Variants in SLC6A2 observed in about 807,000 individuals in gnomAD.
SLC6A2 encodes sodium-dependent noradrenaline transporter.
SLC6A2 carries 26 observed loss-of-function variants against 71.7 expected under a neutral mutation model. The ratio of observed to expected loss-of-function variants is 0.36; its 90% CI spans 0.27 to 0.50. The LOEUF is 0.50. SLC6A2 is among the 20% of genes least tolerant of loss of function. SLC6A2 has a pLI of 0.96. For synonymous variants in SLC6A2, 363 were observed against 337.9 expected (o/e 1.07, Z -0.82); for missense variants, 581 against 803.9 (o/e 0.72, Z 3.35).
At chr16:55,699,486 C>A in intron 11 of SLC6A2, 68 bp from the exon 12 acceptor site, 2 of 1,289,538 alleles carry the variant, frequency 1.6e-6, no homozygotes, top group Non-Finnish European at 2.3e-6. Flanking sequence ...GGGCCAGAAC[C>A]TCATGGGAGG....
chr16:55,674,175 C>T (rs1255144713), intron 4 of SLC6A2, among the ~76,000 whole-genome samples: 1 of 151,420 alleles, frequency 6.6e-6, no homozygotes, highest in African/African-American at 2.4e-5. Flanking sequence ...CGACTCTTGT[C>T]CCCCTCCCTC....
intron 2 of SLC6A2, among the ~76,000 whole-genome samples, chr16:55,664,704 G>C (rs1964700432): frequency 6.6e-6 from 1 of 152,160 alleles, no homozygotes; most frequent in African/African-American, 2.4e-5. Flanking sequence ...TTTACAAAGG[G>C]GGAGCTAAGG....
intron 2 of SLC6A2, among the ~76,000 whole-genome samples, chr16:55,663,615 G>A (rs1318864684): frequency 6.6e-6 from 1 of 152,160 alleles, no homozygotes; most frequent in Admixed American, 6.5e-5. Flanking sequence ...TCTTACCATA[G>A]CTCTGTGTAC....
At chr16:55,699,455 C>T (rs1965902032) in intron 11 of SLC6A2, 99 bp from the exon 12 acceptor site, 5 of 897,022 alleles carry the variant, frequency 5.6e-6, no homozygotes, top group Admixed American at 3.5e-5. Context: ...CATCTTGCCT[C>T]ACTGCCCTGC....
chr16:55,700,343 G>A (rs745319767), intron 13 of SLC6A2, 37 bp downstream of exon 13: 5 of 1,562,416 alleles, frequency 3.2e-6, no homozygotes, highest in Middle Eastern at 1.7e-4. Flanking sequence ...CAGGGTGGGA[G>A]GGGGCTGAGG....
chr16:55,669,513 A>C (rs1764328602), intron 2 of SLC6A2, 52 bp from the exon 3 acceptor site: 1 of 1,610,268 alleles, frequency 6.2e-7, no homozygotes, highest in Non-Finnish European at 8.5e-7. Flanking sequence ...CGGATCCAAG[A>C]CTGGGAGGGG....
chr16:55,692,025 C>T lies in SLC6A2; in HGVS notation c.891C>T (p.Ile297=), dbSNP rs756777846. 4.3e-6 allele frequency: 7 copies of T among 1,614,060 alleles called. No individual in the cohort carries two copies. Among genetic ancestry groups the T allele is most frequent in the African/African-American group, 2.7e-5 (2 of 74,938 alleles). ...ASNGINAYLH[I]DFYRLKEATV... ...ATGGCATCAATGCCTACCTGCACAT[C>T]GACTTCTACCGCTTGAAAGAGGCCA... is the stretch of plus-strand genomic sequence containing the variant. Residue 297 remains isoleucine (I), a synonymous_variant, in exon 6 of 15, where the codon ATC becomes ATT. Coordinates refer to ENST00000568943, the MANE Select transcript of SLC6A2 (RefSeq NM_001172501.3).
intron 2 of SLC6A2, among the ~76,000 whole-genome samples, chr16:55,668,504 G>C (rs1285400425): frequency 6.6e-6 from 1 of 152,174 alleles, no homozygotes; most frequent in Non-Finnish European, 1.5e-5. Context: ...CTTAGCTAAA[G>C]GCCAGTGGTA....
chr16:55,683,364 C>T (rs1965340371), intron 4 of SLC6A2, among the ~76,000 whole-genome samples: 1 of 152,162 alleles, frequency 6.6e-6, no homozygotes, highest in South Asian at 2.1e-4. Flanking sequence ...GTAATCCCAG[C>T]ACTTTGGGAG....
In SLC6A2 at chr16:55,702,465, C is replaced by A. The variant is rs1361995000; in HGVS notation, c.*119C>A. ...CCCCTGGAAGTTGTCCTTTCTGATC[C>A]TCTCTTCTTTTCCCATTTACAAATG... On this transcript the variant is annotated 3_prime_UTR_variant, in exon 15 of 15. Coordinates refer to ENST00000568943, the MANE Select transcript of SLC6A2 (RefSeq NM_001172501.3). 2 of 1,588,382 alleles carry A rather than the reference C, an allele frequency of 1.3e-6. No homozygotes were observed. Among genetic ancestry groups the A allele is most frequent in the Non-Finnish European group, 1.7e-6 (2 of 1,166,616 alleles).
intron 2 of SLC6A2, among the ~76,000 whole-genome samples, chr16:55,658,138 A>G (rs1964509793): frequency 6.6e-6 from 1 of 152,154 alleles, no homozygotes; most frequent in South Asian, 2.1e-4. Context: ...TGACCTGTTC[A>G]CAGGCTCTAG....
chr16:55,686,966 C>T lies in SLC6A2; in HGVS notation c.783+1685C>T, dbSNP rs1596994454. 2.6e-5 allele frequency among the ~76,000 whole-genome samples: 4 copies of T among 152,188 alleles called. No homozygotes were observed. The East Asian group carries it at 7.7e-4, about 29-fold the overall frequency. On this transcript the variant is annotated intron_variant, in intron 5 of 14. Coordinates refer to ENST00000568943, the MANE Select transcript of SLC6A2 (RefSeq NM_001172501.3). ...TTTTGAATTTAGTTCAAAATATCAA[C>T]ATAGGAGACCTACTGTGTACCAGGC...
intron 9 of SLC6A2, 124 bp downstream of exon 9, chr16:55,696,461 G>A (rs1238316870): frequency 4.1e-6 from 3 of 728,480 alleles, no homozygotes; most frequent in African/African-American, 3.4e-5. Context: ...GTTTCCAGAA[G>A]GCCCTATTTA....
intron 5 of SLC6A2, 50 bp downstream of exon 5, chr16:55,685,331 G>A (rs765278392): frequency 1.3e-6 from 2 of 1,579,848 alleles, no homozygotes; most frequent in South Asian, 1.1e-5. Context: ...CAACCTTGGG[G>A]GGTGTGATTA....
intron 2 of SLC6A2, among the ~76,000 whole-genome samples, chr16:55,666,298 A>G (rs905491423): frequency 3.3e-5 from 5 of 152,174 alleles, no homozygotes; most frequent in African/African-American, 2.4e-5. Context: ...AGTACTTTTT[A>G]GGGGGTTTGC....
chr16:55,705,402 T>C lies in SLC6A2; in HGVS notation c.*3056T>C. ...GAAGCATTCTTACCAAAGAAATCAT[T>C]TCCTAGTAAAGAAGCCCATTGAACT... On this transcript the variant is annotated 3_prime_UTR_variant, in exon 15 of 15. Transcript: ENST00000568943. 1 of 644,316 alleles carries C rather than the reference T, an allele frequency of 1.6e-6. No individual in the cohort carries two copies. The highest frequency in any genetic ancestry group is 2.6e-6 in the Non-Finnish European group (1 of 380,502). The allele number at this position is 644,316 out of a possible 1,614,324, so 39.9% of individuals were successfully genotyped here. A position where few individuals can be genotyped will look rare whatever the true frequency, so the allele number is the denominator to read the frequency against.
At chr16:55,689,556 G>A (rs1366897655) in intron 5 of SLC6A2, among the ~76,000 whole-genome samples, 2 of 152,142 alleles carry the variant, frequency 1.3e-5, no homozygotes, top group African/African-American at 2.4e-5. Flanking sequence ...GCTGGGCTGG[G>A]CATTGCAGCA....
rs1966035998 is a variant in SLC6A2, at chr16:55,703,525, T to G, written c.*1179T>G. The G allele has an allele frequency of 3.0e-6, 3 of 985,434 alleles. No individual in the cohort carries two copies. The highest frequency in any genetic ancestry group is 3.6e-6 in the Non-Finnish European group (3 of 829,938). The allele number at this position is 985,434 out of a possible 1,614,324, so 61.0% of individuals were successfully genotyped here. Reference sequence around the variant, plus strand: ...AATTTTGAGAGTGGATGGAACAGTTTGGTGGTTTCAGAGAATTTCTAGGTT... The same window carrying G: ...AATTTTGAGAGTGGATGGAACAGTTGGGTGGTTTCAGAGAATTTCTAGGTT... On this transcript the variant is annotated 3_prime_UTR_variant, in exon 15 of 15. Transcript: ENST00000568943.
chr16:55,701,957 G>A, intron 14 of SLC6A2, 23 bp downstream of exon 14: 3 of 1,585,118 alleles, frequency 1.9e-6, no homozygotes, highest in Non-Finnish European at 2.6e-6. Flanking sequence ...TAGACCCCTG[G>A]GGTGGAGATT....
Sources: gnomAD v4.1 joint callset for allele counts (sites outside exome capture counted in the v4.1 genomes callset) on GRCh38, gnomAD v4.1.1 for gene constraint, MANE v1.5 for transcripts, NCBI Gene and HGNC (gene_info 2026-07-23, HGNC 2026-07-21) for gene names.